Variants in RPH3AL observed in about 807,000 individuals in gnomAD.
RPH3AL encodes rabphilin 3A like (without C2 domains), also known as rab effector Noc2.
RPH3AL carries 38 observed loss-of-function variants against 43.1 expected under a neutral mutation model. The observed-to-expected ratio is 0.88, with a 90% CI of 0.68 to 1.15. The LOEUF (loss-of-function observed/expected upper bound fraction) is 1.15. Among genes scored for constraint, RPH3AL ranks in the 50% most tolerant of loss-of-function variants. The pLI, the probability that RPH3AL is intolerant of heterozygous loss-of-function variation, is 0.00. For missense variants in RPH3AL, 462 were observed against 423.2 expected, an observed-to-expected ratio of 1.09 and a Z score of -0.81; for synonymous variants, 189 against 176.3, an observed-to-expected ratio of 1.07 and a Z score of -0.57.
At chr17:272,957 TACGTCAGGGTG>T (rs2042519317) in intron 6 of RPH3AL, among the ~76,000 whole-genome samples, 1 of 26,754 alleles carries the variant, frequency 3.7e-5, no homozygotes, top group East Asian at 1.6e-3. Context: ...CAGCAAGGGC[TACGTCAGGGTG>T]AGACCCCAGC....
At chr17:272,178 A>T (rs1700730348) in intron 6 of RPH3AL, among the ~76,000 whole-genome samples, 4 of 152,216 alleles carry the variant, frequency 2.6e-5, no homozygotes, top group Admixed American at 2.6e-4. Context: ...TAGTTCAACC[A>T]TTGTGGAGGA....
Position 344,671 on chromosome 17 carries a change from A to G in RPH3AL, c.-213+8041T>C, listed in dbSNP as rs986073240. ...ATCACCATGTTCACCTCCATCAGTC[A>G]TCATCACCACCATCACTGTCATCTC... On this transcript the variant is annotated intron_variant, in intron 1 of 9. Coordinates refer to ENST00000331302, the MANE Select transcript of RPH3AL (RefSeq NM_006987.4). Among the ~76,000 whole-genome samples the G allele has an allele frequency of 2.2e-5, 3 of 134,606 alleles. 1 individual carries two copies. Among genetic ancestry groups the G allele is most frequent in the Non-Finnish European group, 5.1e-5 (3 of 58,996 alleles). The allele number at this position is 134,606 out of a possible 152,430, so 88.3% of individuals were successfully genotyped here. A position where few individuals can be genotyped will look rare whatever the true frequency, so the allele number is the denominator to read the frequency against.
intron 1 of RPH3AL, among the ~76,000 whole-genome samples, chr17:343,865 A>G (rs928449747): frequency 2.0e-5 from 3 of 152,174 alleles, no homozygotes; most frequent in Admixed American, 1.3e-4. Flanking sequence ...AGGTAACACA[A>G]CCAGCACAAA....
At chr17:272,997 A>AT (rs2042532097) in intron 6 of RPH3AL, among the ~76,000 whole-genome samples, 3 of 119,282 alleles carry the variant, frequency 2.5e-5, no homozygotes, top group African/African-American at 8.4e-5. Flanking sequence ...CGTCAGGGTG[A>AT]GACCCCAGCG....
rs1310415664 is a variant in RPH3AL at position 245,873 on chromosome 17, C to A, written c.613+1238G>T. 6.6e-6 allele frequency among the ~76,000 whole-genome samples: 1 copy of A among 152,158 alleles called. No individual in the cohort carries two copies. The highest frequency in any genetic ancestry group is 1.5e-5 in the Non-Finnish European group (1 of 68,010). ...ACTGCATTGCATCCCACGGTCCCCA[C>A]CAATGTCTGTCCGTGGCAGCGATGT... On this transcript the variant is annotated intron_variant, in intron 7 of 9. Coordinates refer to ENST00000331302, the MANE Select transcript of RPH3AL (RefSeq NM_006987.4). The surrounding 1 kb of genome is among the most constrained non-coding windows in gnomAD (Gnocchi z 5.9).
rs368618862 is a variant in RPH3AL, at chr17:277,780, ACC to A, written c.438+3986_438+3987del. On this transcript the variant is annotated intron_variant, in intron 6 of 9. Coordinates refer to ENST00000331302, the MANE Select transcript of RPH3AL (RefSeq NM_006987.4). Reference sequence around the variant, plus strand: ...AGACCAGCCTGGGCAACATGGCAAAACCCCGTCTCTACAAAAATGCAAAAAAT... The same window carrying A: ...AGACCAGCCTGGGCAACATGGCAAAACCGTCTCTACAAAAATGCAAAAAAT... 3.2e-3 allele frequency among the ~76,000 whole-genome samples: 485 copies of A among 151,900 alleles called. 2 individuals carry two copies. The highest frequency in any genetic ancestry group is 0.011 in the African/African-American group (462 of 41,374).
At chr17:312,948 G>A (rs1264758548) in intron 5 of RPH3AL, among the ~76,000 whole-genome samples, 2 of 152,170 alleles carry the variant, frequency 1.3e-5, no homozygotes, top group Admixed American at 6.5e-5. Context: ...AAGTACAGAT[G>A]AGTCCCTCCC....
intron 6 of RPH3AL, among the ~76,000 whole-genome samples, chr17:253,708 C>A (rs540094772): frequency 7.5e-6 from 1 of 133,348 alleles, no homozygotes; most frequent in Admixed American, 7.2e-5. Flanking sequence ...ATGAGGGGAG[C>A]CGCACGGCGT....
At chr17:284,103 A>G (rs906096203) in intron 5 of RPH3AL, among the ~76,000 whole-genome samples, 2 of 152,226 alleles carry the variant, frequency 1.3e-5, no homozygotes, top group Admixed American at 6.5e-5. Flanking sequence ...AGCTCACCTT[A>G]TAAACATGCA....
intron 1 of RPH3AL, among the ~76,000 whole-genome samples, chr17:337,122 AT>A (rs11453667): frequency 2.0e-5 from 3 of 150,168 alleles, no homozygotes; most frequent in African/African-American, 7.3e-5. Flanking sequence ...CGCACCAATA[AT>A]TTTTTTTTTT....
At chr17:334,811 C>A (rs1363323490) in intron 1 of RPH3AL, among the ~76,000 whole-genome samples, 1 of 90,360 alleles carries the variant, frequency 1.1e-5, no homozygotes, top group Admixed American at 1.2e-4. Flanking sequence ...ACAAGGCAAC[C>A]ACCCCCAGCA....
chr17:213,898 G>A lies in RPH3AL; in HGVS notation c.902C>T (p.Pro301Leu). The change falls in exon 10 of 10, where the codon CCC becomes CTC. Residue 301 changes from proline (P) to leucine (L), a missense_variant. By Grantham distance (98) the Pro-to-Leu change is moderately conservative. Coordinates refer to ENST00000331302, the MANE Select transcript of RPH3AL (RefSeq NM_006987.4). ...GCCTGCTGGAGCTGCGTCAGCAGCG[G>A]GGGCTCGTCCAGGTGTGTCTTTTAC... is the stretch of plus-strand genomic sequence containing the variant. ...APVKDTPGRA[P>L]AADAAPAGPS... is the part of the protein sequence containing the mutation. The A allele has an allele frequency of 1.2e-6, 2 of 1,613,574 alleles. No individual in the cohort carries two copies. The highest frequency in any genetic ancestry group is 1.7e-6 in the Non-Finnish European group (2 of 1,179,946).
chr17:235,935 C>T (rs111457453), intron 7 of RPH3AL, among the ~76,000 whole-genome samples: 1 of 84,856 alleles, frequency 1.2e-5, no homozygotes, highest in Non-Finnish European at 2.9e-5. Context: ...AGGCTCCGCA[C>T]TAACAAGACA....
intron 7 of RPH3AL, among the ~76,000 whole-genome samples, chr17:242,744 T>A (rs201038492): frequency 4.0e-5 from 2 of 50,376 alleles, no homozygotes; most frequent in East Asian, 1.0e-3. Context: ...CCTCTATTGA[T>A]TACCTTCCTC....
intron 7 of RPH3AL, among the ~76,000 whole-genome samples, chr17:232,827 GGCGTGT>G (rs1405389462): frequency 1.5e-5 from 2 of 130,300 alleles, no homozygotes; most frequent in East Asian, 2.2e-4. Flanking sequence ...AGTCCTTTCC[GGCGTGT>G]GTGTGTGTGT....
intron 5 of RPH3AL, among the ~76,000 whole-genome samples, chr17:316,604 CTTCCATTGACTTGTA>C: frequency 7.2e-6 from 1 of 139,126 alleles, no homozygotes; most frequent in African/African-American, 2.9e-5. Flanking sequence ...CTGTGCTCCA[CTTCCATTGACTTGTA>C]GTCCCTGTAC....
chr17:308,500 G>A (rs747222710), intron 5 of RPH3AL, among the ~76,000 whole-genome samples: 5 of 152,176 alleles, frequency 3.3e-5, no homozygotes, highest in East Asian at 1.9e-4. Flanking sequence ...TTGCACGCTC[G>A]TGCCCACTGC....
At chr17:331,343 C>A in intron 2 of RPH3AL, 1 of 50,790 alleles carries the variant, frequency 2.0e-5, no homozygotes, top group South Asian at 1.2e-4. Context: ...GCCTCCAGAG[C>A]TGGGGCCACG....
intron 7 of RPH3AL, among the ~76,000 whole-genome samples, chr17:242,258 T>C (rs1204174040): frequency 7.6e-6 from 1 of 131,318 alleles, no homozygotes; most frequent in Non-Finnish European, 1.7e-5. Flanking sequence ...ATTACCTTCC[T>C]CTATTGATTA....
Sources: allele counts gnomAD v4.1 joint callset (sites outside exome capture counted in the v4.1 genomes callset), GRCh38; gene constraint gnomAD v4.1.1; non-coding constraint Gnocchi (gnomAD v3.1); transcripts MANE v1.5; gene names NCBI Gene and HGNC (gene_info 2026-07-23, HGNC 2026-07-21).